Variants in UNC13C observed in about 807,000 individuals in gnomAD.
The protein encoded by UNC13C is protein unc-13 homolog C.
Under a neutral mutation model 245.4 loss-of-function variants are expected in UNC13C, and 174 were observed. The observed-to-expected ratio is 0.71, with a 90% CI of 0.63 to 0.80. The LOEUF (loss-of-function observed/expected upper bound fraction) is 0.80, where lower values mean the gene tolerates loss of function less well. Ranked by LOEUF, UNC13C falls within the 30% of genes least tolerant of loss-of-function variation. UNC13C has a pLI of 0.00. For synonymous variants in UNC13C, 992 were observed against 895.1 expected (o/e 1.11, Z -1.93); for missense variants, 2,829 against 2,602.9 (o/e 1.09, Z -1.89).
At chr15:54,334,232 T>C (rs1485411838) in intron 16 of UNC13C, among the ~76,000 whole-genome samples, 1 of 152,184 alleles carries the variant, frequency 6.6e-6, no homozygotes, top group Non-Finnish European at 1.5e-5. Context: ...AGAAAGTAGC[T>C]GACTCTTTTA....
intron 17 of UNC13C, among the ~76,000 whole-genome samples, chr15:54,370,292 C>T (rs1315938577): frequency 6.6e-6 from 1 of 152,088 alleles, no homozygotes; most frequent in African/African-American, 2.4e-5. Context: ...ATTTTAAGAA[C>T]AGCAAGGCCC....
At chr15:54,409,411 A>G (rs530184026) in intron 18 of UNC13C, among the ~76,000 whole-genome samples, 2 of 152,120 alleles carry the variant, frequency 1.3e-5, no homozygotes, top group East Asian at 3.9e-4. Flanking sequence ...GTGGGTACAT[A>G]GGCAGGTTTG....
upstream of UNC13C, among the ~76,000 whole-genome samples, chr15:53,976,025 C>G (rs368842496): frequency 6.6e-6 from 1 of 152,102 alleles, no homozygotes; most frequent in Non-Finnish European, 1.5e-5. Context: ...GAAATCTCAT[C>G]GTTGTAATTA....
the UNC13C span, among the ~76,000 whole-genome samples, chr15:53,845,495 T>C: frequency 1.3e-5 from 2 of 152,162 alleles, no homozygotes; most frequent in African/African-American, 4.8e-5. Context: ...TTCAACACAA[T>C]GTCCTATGAT....
At chr15:54,407,713 G>A (rs934281338) in intron 18 of UNC13C, among the ~76,000 whole-genome samples, 2 of 151,840 alleles carry the variant, frequency 1.3e-5, no homozygotes, top group African/African-American at 2.4e-5. Flanking sequence ...TATTGTTTTC[G>A]GTATAGAAGC....
chr15:54,321,854 A>G (rs1292584517), intron 13 of UNC13C, 85 bp from the exon 14 acceptor site: 1 of 1,280,520 alleles, frequency 7.8e-7, no homozygotes. Flanking sequence ...TAGCTGTGGA[A>G]TTAATTGCTG....
chr15:54,061,097 C>T (rs1236556602), intron 2 of UNC13C, among the ~76,000 whole-genome samples: 1 of 147,292 alleles, frequency 6.8e-6, no homozygotes, highest in Non-Finnish European at 1.5e-5. Context: ...TGCACATGTA[C>T]CCTAAAACTT....
chr15:53,932,369 T>A, the UNC13C span, among the ~76,000 whole-genome samples: 2 of 152,114 alleles, frequency 1.3e-5, no homozygotes, highest in African/African-American at 4.8e-5. Context: ...GGTATTTAAG[T>A]GACAGACCAA....
At chr15:54,172,693 TACAC>T (rs199552567) in intron 4 of UNC13C, among the ~76,000 whole-genome samples, 1 of 88,478 alleles carries the variant, frequency 1.1e-5, no homozygotes, top group African/African-American at 3.8e-5. Context: ...CAAAGTCAAA[TACAC>T]ACACAGATAT....
chr15:54,551,555 T>G (rs1896736484), intron 28 of UNC13C, among the ~76,000 whole-genome samples: 2 of 152,034 alleles, frequency 1.3e-5, no homozygotes, highest in African/African-American at 2.4e-5. Context: ...ACATAACACT[T>G]TAGCATGCTT....
At chr15:54,373,618 G>C (rs766176523) in intron 17 of UNC13C, among the ~76,000 whole-genome samples, 41 of 152,298 alleles carry the variant, frequency 2.7e-4, no homozygotes, top group Non-Finnish European at 4.7e-4. Flanking sequence ...TGGAAGTCTG[G>C]AACACCAGGA....
chr15:53,997,952 G>A (rs2249853), intron 1 of UNC13C, among the ~76,000 whole-genome samples: 3,212 of 151,848 alleles, frequency 0.021, 122 homozygotes, highest in African/African-American at 0.074. Flanking sequence ...ACAGGTGTGC[G>A]CCACCATGAC....
intron 24 of UNC13C, among the ~76,000 whole-genome samples, chr15:54,516,847 G>T (rs1052409833): frequency 6.7e-6 from 1 of 148,972 alleles, no homozygotes; most frequent in Non-Finnish European, 1.5e-5. Flanking sequence ...CAGAATACCC[G>T]TTTTTCTTAT....
intron 4 of UNC13C, among the ~76,000 whole-genome samples, chr15:54,198,139 A>G (rs12050642): frequency 0.26 from 39,743 of 151,876 alleles, 5,277 homozygotes; most frequent in Middle Eastern, 0.29. Flanking sequence ...ACTGGGAACC[A>G]CACCCCTATC....
At chr15:54,149,669 G>A (rs181960115) in intron 4 of UNC13C, among the ~76,000 whole-genome samples, 4 of 152,190 alleles carry the variant, frequency 2.6e-5, no homozygotes, top group Admixed American at 1.3e-4. Flanking sequence ...TTTAAAGGAC[G>A]GGCCTTTCTA....
the UNC13C span, among the ~76,000 whole-genome samples, chr15:53,908,857 T>C: frequency 7.5e-5 from 11 of 145,784 alleles, 1 homozygote; most frequent in African/African-American, 2.7e-4. Flanking sequence ...TTGAGTGTTA[T>C]GGCACAAATG....
At chr15:54,241,383 A>G (rs942601682) in intron 7 of UNC13C, among the ~76,000 whole-genome samples, 3 of 152,064 alleles carry the variant, frequency 2.0e-5, no homozygotes, top group African/African-American at 2.4e-5. Context: ...ATGGAAGGAG[A>G]AAACTGCTCA....
chr15:53,991,301 T>C (rs900238779), intron 1 of UNC13C, among the ~76,000 whole-genome samples: 3 of 151,938 alleles, frequency 2.0e-5, no homozygotes, highest in Non-Finnish European at 4.4e-5. Context: ...CAATGCTGCA[T>C]CTCCACTAAG....
rs144139789 is a variant in UNC13C, at chr15:53,990,143, A to G, written c.-257+11216A>G. On this transcript the variant is annotated intron_variant, in intron 1 of 32. Coordinates refer to ENST00000260323, the MANE Select transcript of UNC13C (RefSeq NM_001080534.3). Reference sequence around the variant, plus strand: ...TGCCTTCTCACTGAAAGAGAGATAGATATGTTTACCCTATTAAAACATACT... The same window carrying G: ...TGCCTTCTCACTGAAAGAGAGATAGGTATGTTTACCCTATTAAAACATACT... Among the ~76,000 whole-genome samples the G allele has an allele frequency of 1.1e-3, 163 of 152,118 alleles. 1 individual carries two copies. The highest frequency in any genetic ancestry group is 3.8e-3 in the African/African-American group (157 of 41,526).
Sources: gnomAD v4.1 joint callset for allele counts (sites outside exome capture counted in the v4.1 genomes callset) on GRCh38, gnomAD v4.1.1 for gene constraint, MANE v1.5 for transcripts, NCBI Gene and HGNC (gene_info 2026-07-23, HGNC 2026-07-21) for gene names.